FHAD1: variants seen among roughly 807,000 people sequenced by gnomAD.
FHAD1 encodes forkhead associated phosphopeptide binding domain 1.
Under a neutral mutation model 191.3 loss-of-function variants are expected in FHAD1, and 146 were observed. The observed-to-expected ratio is 0.76, with a 90% CI of 0.67 to 0.88. FHAD1 has a LOEUF of 0.88. Among genes scored for constraint, FHAD1 ranks in the 40% least tolerant of loss-of-function variants. FHAD1 has a pLI of 0.00. For missense variants in FHAD1, 1,635 were observed against 1,785.8 expected (o/e 0.92, Z 1.52); for synonymous variants, 616 against 672.3 (o/e 0.92, Z 1.29).
intron 14 of FHAD1, among the ~76,000 whole-genome samples, chr1:15,338,824 A>G (rs144382150): frequency 6.6e-6 from 1 of 152,168 alleles, no homozygotes; most frequent in East Asian, 1.9e-4. Context: ...GCATGTTTCC[A>G]GCAGGCATTT....
chr1:15,383,485 G>A (rs895236725), intron 31 of FHAD1: 2 of 342,658 alleles, frequency 5.8e-6, no homozygotes, highest in South Asian at 4.5e-5. Context: ...CACCCGGGCG[G>A]CTTCCAAAGC....
At chr1:15,303,587 C>T (rs1025438890) in intron 6 of FHAD1, among the ~76,000 whole-genome samples, 3 of 152,290 alleles carry the variant, frequency 2.0e-5, no homozygotes, top group East Asian at 3.9e-4. Context: ...TGGTGGCTCA[C>T]GCCTGTAATC....
intron 32 of FHAD1, among the ~76,000 whole-genome samples, chr1:15,389,319 A>C (rs1246536813): frequency 6.6e-6 from 1 of 151,678 alleles, no homozygotes; most frequent in African/African-American, 2.4e-5. Flanking sequence ...GGTGGCGTGC[A>C]CCTGTAGTCC....
At chr1:15,310,073 A>G (rs1212618719) in intron 7 of FHAD1, among the ~76,000 whole-genome samples, 1 of 152,144 alleles carries the variant, frequency 6.6e-6, no homozygotes, top group Non-Finnish European at 1.5e-5. Context: ...AGAGAATGGC[A>G]TGTCTCGAGA....
chr1:15,284,414 G>A (rs1182825980), intron 3 of FHAD1, among the ~76,000 whole-genome samples: 2 of 149,146 alleles, frequency 1.3e-5, no homozygotes, highest in Non-Finnish European at 3.0e-5. Context: ...GTGAGGCGGA[G>A]CTTGCAGTGA....
At chr1:15,377,674 A>G (rs956234450) in intron 28 of FHAD1, among the ~76,000 whole-genome samples, 1 of 151,604 alleles carries the variant, frequency 6.6e-6, no homozygotes, top group Non-Finnish European at 1.5e-5. Flanking sequence ...CCCTGTCTCT[A>G]CAAAAAATTA....
intron 2 of FHAD1, among the ~76,000 whole-genome samples, chr1:15,261,460 G>A (rs536846909): frequency 2.6e-5 from 4 of 152,240 alleles, no homozygotes; most frequent in East Asian, 3.9e-4. Flanking sequence ...AGGTTCTTTC[G>A]AGCCGTCAGT....
chr1:15,380,239 C>G (rs1558282500), intron 28 of FHAD1, among the ~76,000 whole-genome samples: 1 of 152,150 alleles, frequency 6.6e-6, no homozygotes, highest in Non-Finnish European at 1.5e-5. Context: ...CAGGCCTTAG[C>G]ACTGTTGATA....
At chr1:15,385,302 A>G (rs904638682) in intron 31 of FHAD1, among the ~76,000 whole-genome samples, 2 of 151,906 alleles carry the variant, frequency 1.3e-5, no homozygotes, top group African/African-American at 2.4e-5. Context: ...ATTTTCACAA[A>G]GAGTCGATTT....
chr1:15,303,571 C>T (rs1018469209), intron 6 of FHAD1, among the ~76,000 whole-genome samples: 5 of 152,172 alleles, frequency 3.3e-5, no homozygotes, highest in African/African-American at 7.2e-5. Context: ...ACTCTGTAGC[C>T]GGGCGTGGTG....
intron 2 of FHAD1, among the ~76,000 whole-genome samples, chr1:15,254,852 G>C (rs770708152): frequency 1.2e-4 from 18 of 152,282 alleles, no homozygotes; most frequent in Non-Finnish European, 2.2e-4. Context: ...ATTTGGGAGA[G>C]ATTTGCTTTA....
intron 20 of FHAD1, among the ~76,000 whole-genome samples, chr1:15,357,063 G>A (rs1209501571): frequency 1.3e-5 from 2 of 151,992 alleles, no homozygotes; most frequent in Admixed American, 6.6e-5. Context: ...CAGTCTTTAC[G>A]TCCTTAGGAA....
At chr1:15,384,443 G>A (rs1350770810) in intron 31 of FHAD1, 1 of 152,494 alleles carries the variant, frequency 6.6e-6, no homozygotes, top group Non-Finnish European at 1.5e-5. Context: ...GTGTCCCCCA[G>A]GGCTTGGCAG....
rs1422017346 is a variant in FHAD1, at chr1:15,325,570, G to A, written c.1473+1011G>A. 2.0e-5 allele frequency: 3 copies of A among 152,796 alleles called. No homozygotes were observed. Among genetic ancestry groups the A allele is most frequent in the South Asian group, 4.1e-4 (2 of 4,840 alleles). 9.5% of individuals were successfully genotyped at this position (152,796 alleles called of 1,614,324 possible). A position where few individuals can be genotyped will look rare whatever the true frequency, so the allele number is the denominator to read the frequency against. On this transcript the variant is annotated intron_variant, in intron 11 of 33. Coordinates refer to ENST00000688493, the MANE Select transcript of FHAD1 (RefSeq NM_001391957.1). The surrounding 1 kb of genome is among the most constrained non-coding windows in gnomAD (Gnocchi z 4.6). ...TGTAACCGCCAGCACCATTTCTCCTGTGGGGGCGCCAGCCCCTTATCAAGG... is the reference window on the plus strand; with the variant it reads ...TGTAACCGCCAGCACCATTTCTCCTATGGGGGCGCCAGCCCCTTATCAAGG...
intron 7 of FHAD1, 97 bp downstream of exon 7, chr1:15,308,833 T>C: frequency 6.6e-7 from 1 of 1,507,148 alleles, no homozygotes; most frequent in Non-Finnish European, 8.9e-7. Context: ...TTTTTGTTAC[T>C]GAACTTGGCT....
chr1:15,248,696 C>T (rs1448905983), intron 1 of FHAD1, among the ~76,000 whole-genome samples: 1 of 152,002 alleles, frequency 6.6e-6, no homozygotes, highest in Non-Finnish European at 1.5e-5. Flanking sequence ...AGTGATTCTC[C>T]TGCCTCAGAC....
Position 15,339,472 on chromosome 1 carries a change from T to G in FHAD1, c.1907-9T>G, listed in dbSNP as rs1308365441. 2 of 1,244,482 alleles carry G rather than the reference T, an allele frequency of 1.6e-6. No homozygotes were observed. The highest frequency in any genetic ancestry group is 5.4e-5 in the Admixed American group (2 of 37,004). The allele number at this position is 1,244,482 out of a possible 1,614,324, so 77.1% of individuals were successfully genotyped here. A position where few individuals can be genotyped will look rare whatever the true frequency, so the allele number is the denominator to read the frequency against. On this transcript the variant is annotated splice_polypyrimidine_tract_variant and intron_variant, in intron 14 of 33. Coordinates refer to ENST00000688493, the MANE Select transcript of FHAD1 (RefSeq NM_001391957.1). ...ATACTTACATTCTTCCTGCTTCTCT[T>G]TTTTTAAGGGTTCTCTTTGTATCTG... is the stretch of plus-strand genomic sequence containing the variant.
chr1:15,270,536 G>T (rs1655460886), intron 2 of FHAD1, among the ~76,000 whole-genome samples: 1 of 152,124 alleles, frequency 6.6e-6, no homozygotes, highest in Non-Finnish European at 1.5e-5. Flanking sequence ...CTTGTAATGT[G>T]TAAGTAATAT....
chr1:15,337,786 T>A (rs1569596576), intron 14 of FHAD1, among the ~76,000 whole-genome samples: 1 of 152,174 alleles, frequency 6.6e-6, no homozygotes, highest in African/African-American at 2.4e-5. Context: ...AACAACGCTC[T>A]TCATCAGGCC....
Sources: gnomAD v4.1 joint callset for allele counts (sites outside exome capture counted in the v4.1 genomes callset) on GRCh38, gnomAD v4.1.1 for gene constraint, Gnocchi (gnomAD v3.1) non-coding constraint, MANE v1.5 for transcripts, NCBI Gene and HGNC (gene_info 2026-07-23, HGNC 2026-07-21) for gene names.